ADAMTSL3: variants seen among roughly 807,000 people sequenced by gnomAD.
ADAMTSL3 encodes ADAMTS like 3.
Under a neutral mutation model 201.7 loss-of-function variants are expected in ADAMTSL3, and 128 were observed. The ratio of observed to expected loss-of-function variants is 0.63; its 90% CI spans 0.55 to 0.73. ADAMTSL3 has a LOEUF of 0.73. Ranked by LOEUF, ADAMTSL3 falls within the 30% of genes least tolerant of loss-of-function variation. ADAMTSL3 has a pLI of 0.00. For synonymous variants in ADAMTSL3, 738 were observed against 748.4 expected (o/e 0.99, Z 0.23); for missense variants, 1,990 against 2,119.6 (o/e 0.94, Z 1.20).
intron 4 of ADAMTSL3, among the ~76,000 whole-genome samples, chr15:83,801,237 A>C (rs2063509301): frequency 6.6e-6 from 1 of 152,176 alleles, no homozygotes; most frequent in African/African-American, 2.4e-5. Flanking sequence ...AAATCAAGAA[A>C]GCGCATCTAC....
chr15:83,839,059 A>T (rs541817051), intron 7 of ADAMTSL3, among the ~76,000 whole-genome samples: 159 of 152,312 alleles, frequency 1.0e-3, no homozygotes, highest in Non-Finnish European at 1.9e-3. Context: ...GGAAACAAAA[A>T]TTATTCACGT....
intron 23 of ADAMTSL3, among the ~76,000 whole-genome samples, chr15:84,006,449 A>T (rs2067896296): frequency 6.6e-6 from 1 of 152,230 alleles, no homozygotes; most frequent in Non-Finnish European, 1.5e-5. Context: ...TATAGTGTGG[A>T]ATATTTCATG....
intron 19 of ADAMTSL3, among the ~76,000 whole-genome samples, chr15:83,963,003 C>A (rs2067002724): frequency 6.6e-6 from 1 of 152,210 alleles, no homozygotes; most frequent in East Asian, 1.9e-4. Flanking sequence ...TACACTTTTC[C>A]CATGGTCTTT....
intron 17 of ADAMTSL3, among the ~76,000 whole-genome samples, chr15:83,934,186 T>C (rs1596433397): frequency 1.3e-5 from 2 of 152,150 alleles, no homozygotes; most frequent in East Asian, 3.9e-4. Context: ...GGGGGGGCTG[T>C]ACCCTGCAAA....
At chr15:83,933,792 G>T (rs1845791380) in intron 17 of ADAMTSL3, among the ~76,000 whole-genome samples, 1 of 152,194 alleles carries the variant, frequency 6.6e-6, no homozygotes, top group African/African-American at 2.4e-5. Flanking sequence ...TCCCAGGCAT[G>T]GCTAAAATGA....
intron 2 of ADAMTSL3, among the ~76,000 whole-genome samples, chr15:83,685,446 T>A (rs1484331394): frequency 1.3e-5 from 2 of 152,210 alleles, no homozygotes; most frequent in Non-Finnish European, 2.9e-5. Context: ...TCAGAAATAT[T>A]TGTTGAATCA....
intron 2 of ADAMTSL3, among the ~76,000 whole-genome samples, chr15:83,694,032 G>T (rs1360068505): frequency 6.6e-6 from 1 of 152,194 alleles, no homozygotes; most frequent in Non-Finnish European, 1.5e-5. Context: ...GTGGTGAAGA[G>T]GCTGTGGGAA....
At chr15:83,731,186 C>T (rs1020968373) in intron 3 of ADAMTSL3, among the ~76,000 whole-genome samples, 27 of 151,890 alleles carry the variant, frequency 1.8e-4, no homozygotes, top group African/African-American at 6.5e-4. Context: ...GTTTGTAATA[C>T]AATTTGAAAT....
chr15:83,819,955 C>T lies in ADAMTSL3; in HGVS notation c.508C>T (p.Gln170Ter). The T allele has an allele frequency of 6.2e-7, 1 of 1,614,102 alleles. No individual in the cohort carries two copies. The highest frequency in any genetic ancestry group is 8.5e-7 in the Non-Finnish European group (1 of 1,180,030). Residue 170 changes from glutamine to a stop codon, truncating the protein, a stop_gained, in exon 6 of 30, where the codon CAA becomes TAA. Coordinates refer to ENST00000286744, the MANE Select transcript of ADAMTSL3 (RefSeq NM_207517.3). LOFTEE classifies it high-confidence loss of function. ...TGCACTCAAGTGTCATGCACAAGGA[C>T]AAAACTTGGTGGTGGAGCTGGCACC... ...PCALKCHAQG[Q>*]NLVVELAPKV...
At chr15:83,893,098 A>C (rs1472776414) in intron 13 of ADAMTSL3, among the ~76,000 whole-genome samples, 1 of 152,134 alleles carries the variant, frequency 6.6e-6, no homozygotes, top group Admixed American at 6.5e-5. Flanking sequence ...AATATTAAGG[A>C]CATTAATAAT....
At chr15:84,006,661 G>A (rs2067900512) in intron 23 of ADAMTSL3, among the ~76,000 whole-genome samples, 1 of 152,182 alleles carries the variant, frequency 6.6e-6, no homozygotes, top group South Asian at 2.1e-4. Flanking sequence ...GGGGGAAATA[G>A]CCTGTCTTTA....
At chr15:83,703,405 G>A (rs985103757) in intron 2 of ADAMTSL3, among the ~76,000 whole-genome samples, 1 of 152,122 alleles carries the variant, frequency 6.6e-6, no homozygotes. Context: ...GAGTGATATG[G>A]TTTGGCTCTG....
rs182917424 is a variant in ADAMTSL3, at chr15:83,820,591, A to G, written c.600+544A>G. 5.3e-5 allele frequency among the ~76,000 whole-genome samples: 8 copies of G among 152,346 alleles called. No homozygotes were observed. In the East Asian group the frequency reaches 1.2e-3, roughly 22 times the overall value. ...ACCGCTGTTTTGGAAGAGTAATACT[A>G]GAGAGTCTCTTATTAAATTAAGCTT... On this transcript the variant is annotated intron_variant, in intron 6 of 29. Transcript: ENST00000286744.
At chr15:83,980,606 C>T (rs2067370225) in intron 20 of ADAMTSL3, among the ~76,000 whole-genome samples, 1 of 152,116 alleles carries the variant, frequency 6.6e-6, no homozygotes, top group African/African-American at 2.4e-5. Context: ...CATCCAGCTC[C>T]ACTTAGAGAT....
At chr15:83,656,776 G>C (rs1371908337) in intron 2 of ADAMTSL3, among the ~76,000 whole-genome samples, 1 of 152,084 alleles carries the variant, frequency 6.6e-6, no homozygotes, top group Non-Finnish European at 1.5e-5. Flanking sequence ...GTACCCTCAG[G>C]GTCTCGGAAG....
At chr15:83,683,443 C>A (rs914002874) in intron 2 of ADAMTSL3, among the ~76,000 whole-genome samples, 2 of 152,170 alleles carry the variant, frequency 1.3e-5, no homozygotes, top group Non-Finnish European at 2.9e-5. Flanking sequence ...GTTTTTGTAT[C>A]CCATCATGTA....
At chr15:83,856,742 G>T (rs76915706) in intron 7 of ADAMTSL3, among the ~76,000 whole-genome samples, 1 of 152,024 alleles carries the variant, frequency 6.6e-6, no homozygotes, top group Non-Finnish European at 1.5e-5. Context: ...TCTTCCTTTC[G>T]TCTATTGGGA....
intron 13 of ADAMTSL3, among the ~76,000 whole-genome samples, chr15:83,895,439 A>AT: frequency 1.3e-5 from 2 of 152,196 alleles, no homozygotes; most frequent in Admixed American, 1.3e-4. Context: ...TGACTTTATC[A>AT]TTATGTATAT....
chr15:83,728,974 G>A (rs1196550172), intron 3 of ADAMTSL3, among the ~76,000 whole-genome samples: 2 of 152,036 alleles, frequency 1.3e-5, no homozygotes, highest in Non-Finnish European at 2.9e-5. Context: ...GTTTGTCTGG[G>A]AAAGTCCTTA....
Sources: gnomAD v4.1 joint callset for allele counts (sites outside exome capture counted in the v4.1 genomes callset) on GRCh38, gnomAD v4.1.1 for gene constraint, MANE v1.5 for transcripts, NCBI Gene and HGNC (gene_info 2026-07-23, HGNC 2026-07-21) for gene names.